OPCML: variants seen among roughly 807,000 people sequenced by gnomAD.
OPCML encodes opioid-binding protein/cell adhesion molecule.
In OPCML, 13 loss-of-function variants were observed where a neutral mutation model predicts 37.8. The observed-to-expected ratio is 0.34, with a 90% CI of 0.22 to 0.55. OPCML has a LOEUF of 0.55. OPCML is among the 20% of genes least tolerant of loss of function. The pLI is 0.91. For synonymous variants in OPCML, 176 were observed against 168.8 expected (o/e 1.04, Z -0.33); for missense variants, 341 against 435.6 (o/e 0.78, Z 1.93).
intron 2 of OPCML, among the ~76,000 whole-genome samples, chr11:132,898,145 C>T (rs1943917738): frequency 6.6e-6 from 1 of 152,218 alleles, no homozygotes; most frequent in Non-Finnish European, 1.5e-5. Flanking sequence ...ACTGAGTGCT[C>T]AGTTGGCCTG....
intron 1 of OPCML, among the ~76,000 whole-genome samples, chr11:132,964,801 C>CTAT (rs1310284987): frequency 6.6e-6 from 1 of 152,090 alleles, no homozygotes; most frequent in Non-Finnish European, 1.5e-5. Context: ...TAGATTCTAT[C>CTAT]GTTCCTTTAT....
At chr11:133,458,652 C>CGT (rs767653726) in intron 1 of OPCML, among the ~76,000 whole-genome samples, 2 of 128,072 alleles carry the variant, frequency 1.6e-5, no homozygotes, top group Non-Finnish European at 3.0e-5. Context: ...CATAGATGCA[C>CGT]GTGTGTGTGT....
At chr11:132,698,894 GA>G (rs200252590) in intron 2 of OPCML, among the ~76,000 whole-genome samples, 4 of 151,482 alleles carry the variant, frequency 2.6e-5, no homozygotes, top group South Asian at 2.1e-4. Flanking sequence ...ATATTTCTCT[GA>G]AAAAAAATGC....
chr11:132,799,373 C>A (rs1377473418), intron 2 of OPCML, among the ~76,000 whole-genome samples: 1 of 152,160 alleles, frequency 6.6e-6, no homozygotes, highest in African/African-American at 2.4e-5. Flanking sequence ...CTGCTAGCTT[C>A]AAACACTTCT....
intron 1 of OPCML, among the ~76,000 whole-genome samples, chr11:133,350,057 C>T (rs138441374): frequency 1.8e-4 from 28 of 152,280 alleles, no homozygotes; most frequent in Admixed American, 1.6e-3. Context: ...TTTAATTCCA[C>T]GATGGTCTGG....
intron 1 of OPCML, among the ~76,000 whole-genome samples, chr11:133,129,781 G>A (rs541735807): frequency 6.0e-4 from 91 of 152,230 alleles, no homozygotes; most frequent in Non-Finnish European, 1.1e-3. Context: ...CATGGCACAT[G>A]CCTGTAGCCT....
At chr11:132,596,837 T>A (rs955950753) in intron 3 of OPCML, among the ~76,000 whole-genome samples, 23 of 152,232 alleles carry the variant, frequency 1.5e-4, no homozygotes, top group African/African-American at 5.5e-4. Flanking sequence ...AATAGGTATG[T>A]CATAAATTGA....
At chr11:133,140,823 A>AGACGACGAC (rs1273768067) in intron 1 of OPCML, among the ~76,000 whole-genome samples, 1 of 31,698 alleles carries the variant, frequency 3.2e-5, no homozygotes, top group African/African-American at 6.8e-5. Context: ...ACGAAGAAGA[A>AGACGACGAC]GACGACGACG....
At chr11:132,875,731 G>A (rs2136410211) in intron 2 of OPCML, among the ~76,000 whole-genome samples, 1 of 152,222 alleles carries the variant, frequency 6.6e-6, no homozygotes, top group South Asian at 2.1e-4. Context: ...CCAAAGTGCT[G>A]GGATTATAGG....
intron 1 of OPCML, among the ~76,000 whole-genome samples, chr11:133,116,934 C>T (rs1949344572): frequency 2.6e-5 from 4 of 151,806 alleles, no homozygotes; most frequent in Admixed American, 1.3e-4. Flanking sequence ...TTGATTCCAC[C>T]TTTTATTCTA....
At chr11:132,428,455 G>C (rs1440629016) in intron 7 of OPCML, among the ~76,000 whole-genome samples, 1 of 152,094 alleles carries the variant, frequency 6.6e-6, no homozygotes, top group East Asian at 1.9e-4. Context: ...ATAAGCATAG[G>C]GGTAATCTAC....
chr11:132,792,341 C>T (rs952890010), intron 2 of OPCML, among the ~76,000 whole-genome samples: 1 of 152,030 alleles, frequency 6.6e-6, no homozygotes, highest in African/African-American at 2.4e-5. Flanking sequence ...TTAAAATACA[C>T]TTTGATCTAT....
intron 2 of OPCML, among the ~76,000 whole-genome samples, chr11:132,719,194 C>A (rs1260199325): frequency 6.6e-6 from 1 of 152,216 alleles, no homozygotes; most frequent in East Asian, 1.9e-4. Flanking sequence ...CAGACACTAC[C>A]GCAGTCAGGA....
At chr11:133,218,420 G>T (rs184236714) in intron 1 of OPCML, among the ~76,000 whole-genome samples, 5 of 152,288 alleles carry the variant, frequency 3.3e-5, no homozygotes, top group Admixed American at 1.3e-4. Flanking sequence ...GACTTCTTTG[G>T]TTCGCTAAAG....
At chr11:133,454,371 C>G (rs1946634201) in intron 1 of OPCML, among the ~76,000 whole-genome samples, 1 of 152,214 alleles carries the variant, frequency 6.6e-6, no homozygotes, top group African/African-American at 2.4e-5. Context: ...AGACTTCTTT[C>G]TGCCCTGAAG....
At chr11:132,444,042 G>T (rs2096045879) in intron 4 of OPCML, among the ~76,000 whole-genome samples, 1 of 152,220 alleles carries the variant, frequency 6.6e-6, no homozygotes, top group African/African-American at 2.4e-5. Context: ...TCAGTCACAG[G>T]CTCAAAGTGG....
chr11:132,631,352 C>CATATATATAT (rs61450463), intron 3 of OPCML, among the ~76,000 whole-genome samples: 2,108 of 142,556 alleles, frequency 0.015, 17 homozygotes, highest in Middle Eastern at 0.038. Flanking sequence ...ACCATATATA[C>CATATATATAT]ATATATATAT....
chr11:132,513,273 T>C lies in OPCML; in HGVS notation c.505+15788A>G, dbSNP rs76688265. On this transcript the variant is annotated intron_variant, in intron 4 of 7. Transcript: ENST00000524381. ...GGTAGCATAGAATTCTCATGGAATG[T>C]GGAAGGGAAAGAGAAAAGATTGCCA... 6.6e-5 allele frequency among the ~76,000 whole-genome samples: 10 copies of C among 152,190 alleles called. No homozygotes were observed. The East Asian group carries it at 1.7e-3, about 26-fold the overall frequency.
At chr11:132,549,391 T>G (rs1485231800) in intron 3 of OPCML, among the ~76,000 whole-genome samples, 1 of 152,240 alleles carries the variant, frequency 6.6e-6, no homozygotes, top group Non-Finnish European at 1.5e-5. Flanking sequence ...CACCCCTTGC[T>G]TAGCATATAA....
Sources: gnomAD v4.1 joint callset for allele counts (sites outside exome capture counted in the v4.1 genomes callset) on GRCh38, gnomAD v4.1.1 for gene constraint, MANE v1.5 for transcripts, NCBI Gene and HGNC (gene_info 2026-07-23, HGNC 2026-07-21) for gene names.